The following CREBL2 variants were observed in gnomAD, a reference collection of about 807,000 sequenced individuals.
The protein encoded by CREBL2 is cAMP-responsive element-binding protein-like 2.
A neutral mutation model predicts 19.5 loss-of-function variants in CREBL2; 4 were observed. That is an observed-to-expected ratio of 0.20 (90% confidence interval 0.10 to 0.47). The LOEUF (loss-of-function observed/expected upper bound fraction) is 0.47. Among genes scored for constraint, CREBL2 ranks in the 20% least tolerant of loss-of-function variants. The probability of loss-of-function intolerance (pLI) is 0.98; values close to 1 mark genes in which losing one functional copy is unlikely to be tolerated. For synonymous variants in CREBL2, 42 were observed against 46.6 expected, an observed-to-expected ratio of 0.90 and a Z score of 0.40; for missense variants, 85 against 145.1, an observed-to-expected ratio of 0.59 and a Z score of 2.13.
intron 1 of CREBL2, among the ~76,000 whole-genome samples, chr12:12,627,914 C>CT (rs1245096889): frequency 6.6e-6 from 1 of 152,156 alleles, no homozygotes; most frequent in African/African-American, 2.4e-5. Context: ...GAGACGGAGT[C>CT]TCACTTTGTT....
Position 12,643,158 on chromosome 12 carries a change from G to A in CREBL2, c.*1160G>A, listed in dbSNP as rs1434114435. ...GCCTCCACTGTGGAGGGAAGCATTG[G>A]AACTGGAGTTGTGCACAGCACCGCA... On this transcript the variant is annotated 3_prime_UTR_variant, in exon 4 of 4. Transcript: ENST00000228865. The A allele has an allele frequency of 6.6e-6, 1 of 152,610 alleles. No homozygotes were observed. The highest frequency in any genetic ancestry group is 1.5e-5 in the Non-Finnish European group (1 of 68,070). The allele number at this position is 152,610 out of a possible 1,614,324, so 9.5% of individuals were successfully genotyped here.
Position 12,641,255 on chromosome 12 carries a change from T to TATTATTA in CREBL2, c.359-739_359-738insATTATTA, listed in dbSNP as rs1482770108. 3.5e-3 allele frequency among the ~76,000 whole-genome samples: 327 copies of TATTATTA among 93,526 alleles called. 4 individuals carry two copies. Among genetic ancestry groups the TATTATTA allele is most frequent in the African/African-American group, 0.012 (312 of 25,476 alleles). 61.4% of individuals were successfully genotyped at this position (93,526 alleles called of 152,430 possible). ...TTATTATTATTATTATTATTATTATTTTTTTTTATTTTTTTTTTTTTTAGG... is the reference window on the plus strand; with the variant it reads ...TTATTATTATTATTATTATTATTATTATTATTATTTTTTTATTTTTTTTTTTTTTAGG... On this transcript the variant is annotated intron_variant, in intron 3 of 3. Transcript: ENST00000228865.
intron 1 of CREBL2, among the ~76,000 whole-genome samples, chr12:12,617,271 C>T (rs189427481): frequency 2.0e-5 from 3 of 152,214 alleles, no homozygotes; most frequent in African/African-American, 4.8e-5. Flanking sequence ...AGCAAACCAG[C>T]CAGCACATAC....
chr12:12,626,983 T>C (rs1047413264), intron 1 of CREBL2, among the ~76,000 whole-genome samples: 4 of 152,164 alleles, frequency 2.6e-5, no homozygotes, highest in Admixed American at 1.3e-4. Flanking sequence ...AGGAGCCATT[T>C]TGGAGAAGGC....
intron 1 of CREBL2, among the ~76,000 whole-genome samples, chr12:12,634,959 A>C (rs1466515787): frequency 6.6e-6 from 1 of 151,468 alleles, no homozygotes; most frequent in African/African-American, 2.4e-5. Flanking sequence ...GCTACTAGGG[A>C]GGCTGAGGCA....
intron 3 of CREBL2, among the ~76,000 whole-genome samples, chr12:12,641,075 C>T (rs1386330221): frequency 6.6e-6 from 1 of 151,238 alleles, no homozygotes; most frequent in African/African-American, 2.4e-5. Flanking sequence ...AAGTGGGAGT[C>T]CATATGTTGC....
chr12:12,612,315 C>T, intron 1 of CREBL2, 128 bp downstream of exon 1: 8 of 1,526,052 alleles, frequency 5.2e-6, no homozygotes, highest in Non-Finnish European at 7.2e-6. Flanking sequence ...CTGCGCCTCT[C>T]CAGTCCACTG....
chr12:12,636,012 TA>T, intron 2 of CREBL2, 38 bp downstream of exon 2: 1 of 1,553,706 alleles, frequency 6.4e-7, no homozygotes, highest in Non-Finnish European at 8.8e-7. Flanking sequence ...AAAATCACCT[TA>T]ACAGTCAAAT....
Position 12,611,995 on chromosome 12 carries a change from C to A in CREBL2, c.-178C>A. Reference sequence around the variant, plus strand: ...CGCCTCCAGGGTCCGCTCTGCCATTCCTGAACTGGTCCCTCGTCCCCGTGA... The same window carrying A: ...CGCCTCCAGGGTCCGCTCTGCCATTACTGAACTGGTCCCTCGTCCCCGTGA... On this transcript the variant is annotated 5_prime_UTR_variant, in exon 1 of 4. Transcript: ENST00000228865. 2 of 741,636 alleles carry A rather than the reference C, an allele frequency of 2.7e-6. No homozygotes were observed. The highest frequency in any genetic ancestry group is 4.4e-6 in the Non-Finnish European group (2 of 453,638). 45.9% of individuals were successfully genotyped at this position (741,636 alleles called of 1,614,324 possible).
intron 1 of CREBL2, among the ~76,000 whole-genome samples, chr12:12,616,184 TC>T (rs1224122205): frequency 6.6e-6 from 1 of 152,214 alleles, no homozygotes; most frequent in African/African-American, 2.4e-5. Context: ...TTAACAACTT[TC>T]TGAAAGTCTT....
chr12:12,627,385 G>A (rs1945409794), intron 1 of CREBL2, among the ~76,000 whole-genome samples: 1 of 152,084 alleles, frequency 6.6e-6, no homozygotes, highest in African/African-American at 2.4e-5. Context: ...GAAACTCTGA[G>A]GCCATTAACA....
intron 3 of CREBL2, 66 bp downstream of exon 3, chr12:12,637,780 A>G: frequency 2.0e-6 from 3 of 1,479,720 alleles, no homozygotes; most frequent in South Asian, 1.4e-5. Flanking sequence ...GTGGCTCATG[A>G]CTGTAATCCT....
chr12:12,618,158 C>T (rs1305170345), intron 1 of CREBL2, among the ~76,000 whole-genome samples: 4 of 152,232 alleles, frequency 2.6e-5, no homozygotes, highest in African/African-American at 7.2e-5. Flanking sequence ...GTCATCATGG[C>T]CCATTCTCAA....
intron 1 of CREBL2, among the ~76,000 whole-genome samples, chr12:12,635,369 GAA>G (rs542994272): frequency 1.3e-4 from 15 of 116,088 alleles, no homozygotes; most frequent in East Asian, 2.5e-4. Context: ...ACCCTGTCTG[GAA>G]AAAAAAAAAA....
At chr12:12,628,199 G>A (rs1302959177) in intron 1 of CREBL2, among the ~76,000 whole-genome samples, 3 of 151,946 alleles carry the variant, frequency 2.0e-5, no homozygotes, top group Non-Finnish European at 4.4e-5. Flanking sequence ...TTTTGATTAT[G>A]TAAACATCCT....
chr12:12,612,311 C>T (rs1945273906), intron 1 of CREBL2, 124 bp downstream of exon 1: 9 of 1,544,146 alleles, frequency 5.8e-6, no homozygotes, highest in South Asian at 4.5e-5. Context: ...ATCCCTGCGC[C>T]TCTCCAGTCC....
chr12:12,631,530 A>G (rs561964821), intron 1 of CREBL2, among the ~76,000 whole-genome samples: 2 of 152,336 alleles, frequency 1.3e-5, no homozygotes, highest in East Asian at 3.9e-4. Context: ...GTTTACCCAT[A>G]TTAATATGCT....
At chr12:12,620,559 C>T (rs114729828) in intron 1 of CREBL2, among the ~76,000 whole-genome samples, 119 of 152,276 alleles carry the variant, frequency 7.8e-4, no homozygotes, top group African/African-American at 2.7e-3. Context: ...GTTACATGCA[C>T]ATTTCAACTT....
intron 3 of CREBL2, among the ~76,000 whole-genome samples, chr12:12,638,045 G>T (rs1945489479): frequency 6.6e-6 from 1 of 152,042 alleles, no homozygotes; most frequent in African/African-American, 2.4e-5. Flanking sequence ...GTATCTCAAG[G>T]TAGGGTATCT....
Sources: allele counts gnomAD v4.1 joint callset (sites outside exome capture counted in the v4.1 genomes callset), GRCh38; gene constraint gnomAD v4.1.1; transcripts MANE v1.5; gene names NCBI Gene and HGNC (gene_info 2026-07-23, HGNC 2026-07-21).